Variants in SETDB1 observed in about 807,000 individuals in gnomAD.
SETDB1 encodes the protein histone-lysine N-methyltransferase SETDB1.
In SETDB1, 31 loss-of-function variants were observed where a neutral mutation model predicts 137.4. The ratio of observed to expected loss-of-function variants is 0.23; its 90% CI spans 0.17 to 0.30. SETDB1 has a LOEUF of 0.30. Ranked by LOEUF, SETDB1 falls within the 10% of genes least tolerant of loss-of-function variation. The pLI, the probability that SETDB1 is intolerant of heterozygous loss-of-function variation, is 1.00. For missense variants in SETDB1, 1,113 were observed against 1,631.5 expected, an observed-to-expected ratio of 0.68 and a Z score of 5.47; for synonymous variants, 548 against 579.9, an observed-to-expected ratio of 0.95 and a Z score of 0.79.
intron 9 of SETDB1, among the ~76,000 whole-genome samples, chr1:150,945,790 C>T (rs1437634170): frequency 6.6e-6 from 1 of 152,074 alleles, no homozygotes; most frequent in Admixed American, 6.6e-5. Flanking sequence ...ATGGCACGAT[C>T]TCGGCTCACT....
chr1:150,946,518 G>A (rs990690431), intron 9 of SETDB1, among the ~76,000 whole-genome samples: 3 of 151,850 alleles, frequency 2.0e-5, no homozygotes, highest in African/African-American at 4.8e-5. Context: ...GTGCAGTCTC[G>A]GCTCACCACA....
At chr1:150,928,088 C>T (rs753323065) in intron 2 of SETDB1, 114 bp downstream of exon 2, 22 of 1,277,092 alleles carry the variant, frequency 1.7e-5, no homozygotes, top group Admixed American at 6.1e-5. Flanking sequence ...GACGGAGTCT[C>T]GCTCTGTCAC....
chr1:150,945,374 T>C lies in SETDB1; in HGVS notation c.1140+266T>C, dbSNP rs958027897. 5 of 1,230,486 alleles carry C rather than the reference T, an allele frequency of 4.1e-6. No homozygotes were observed. The South Asian group carries it at 5.2e-5, about 13-fold the overall frequency. 76.2% of individuals were successfully genotyped at this position (1,230,486 alleles called of 1,614,324 possible). On this transcript the variant is annotated intron_variant, in intron 9 of 21. Coordinates refer to ENST00000692827, the MANE Select transcript of SETDB1 (RefSeq NM_001366418.1). ...TTTCTTTAGGAGTATTCACATTGTG[T>C]GTAGGTACAGAAAGGGCAGCCAATT...
chr1:150,964,145 C>T, intron 21 of SETDB1, 62 bp downstream of exon 21: 1 of 1,536,954 alleles, frequency 6.5e-7, no homozygotes, highest in Non-Finnish European at 9.0e-7. Context: ...TCTAAGGGCC[C>T]CTCCTCCATT....
At position 150,963,370 on chromosome 1, in the gene SETDB1, C is replaced by T. The variant is rs41272021; in HGVS notation, c.3461-160C>T. On this transcript the variant is annotated intron_variant, in intron 19 of 21. Transcript: ENST00000692827. ...CCTTTGTCTAGCAGATCTAATTATG[C>T]TTGAAAAAAAAACCTGCTACTTAGG... The T allele has an allele frequency of 1.0e-2, 7,837 of 785,886 alleles. 52 individuals are homozygous for T. Among genetic ancestry groups the T allele is most frequent in the Non-Finnish European group, 0.012 (5,556 of 475,880 alleles). The allele number at this position is 785,886 out of a possible 1,614,324, so 48.7% of individuals were successfully genotyped here.
chr1:150,939,882 T>A, intron 3 of SETDB1, 58 bp from the exon 4 acceptor site: 1 of 1,297,270 alleles, frequency 7.7e-7, no homozygotes. Context: ...GTTCTTAATT[T>A]CCCAGAAGTT....
At chr1:150,955,453 A>G (rs918853469) in intron 14 of SETDB1, among the ~76,000 whole-genome samples, 8 of 152,158 alleles carry the variant, frequency 5.3e-5, no homozygotes, top group Admixed American at 5.2e-4. Context: ...CAGTTCAACC[A>G]GTGTTTTCCA....
chr1:150,957,650 G>A (rs1336070328), intron 14 of SETDB1, among the ~76,000 whole-genome samples: 2 of 152,064 alleles, frequency 1.3e-5, no homozygotes, highest in Non-Finnish European at 2.9e-5. Context: ...TTTAATGTTG[G>A]TATGTGCTAG....
intron 13 of SETDB1, 86 bp from the exon 14 acceptor site, chr1:150,951,279 C>G: frequency 8.6e-7 from 1 of 1,165,344 alleles, no homozygotes; most frequent in Non-Finnish European, 1.3e-6. Context: ...CATGGCCACA[C>G]TGAGCAACCT....
rs1234135825 is a variant in SETDB1, at chr1:150,961,154, T to C, written c.3095T>C (p.Ile1032Thr). ...AEKASTSGLG[I>T]KDEGDIKQAK... ...AAGGCCTCCACCTCAGGACTAGGCA[T>C]CAAGGATGAGGGAGACATCAAACAG... The change falls in exon 16 of 22, where the codon ATC (isoleucine) becomes ACC (threonine). Residue 1032 changes from isoleucine (I) to threonine (T), a missense_variant. Ile to Thr is a moderately conservative substitution (Grantham distance 89). Coordinates refer to ENST00000692827, the MANE Select transcript of SETDB1 (RefSeq NM_001366418.1). 6.2e-7 allele frequency: 1 copy of C among 1,613,714 alleles called. No individual in the cohort carries two copies. Among genetic ancestry groups the C allele is most frequent in the Non-Finnish European group, 8.5e-7 (1 of 1,180,026 alleles).
At chr1:150,940,990 T>C (rs1670125106) in intron 4 of SETDB1, among the ~76,000 whole-genome samples, 3 of 126,256 alleles carry the variant, frequency 2.4e-5, no homozygotes, top group African/African-American at 9.3e-5. Context: ...AGAGCCAGAC[T>C]CCATCTCAAA....
chr1:150,933,986 T>C (rs1449904553), intron 3 of SETDB1, among the ~76,000 whole-genome samples: 1 of 151,726 alleles, frequency 6.6e-6, no homozygotes, highest in African/African-American at 2.4e-5. Context: ...TTTCTCCATG[T>C]TGGTCAGATT....
chr1:150,944,109 A>T, intron 8 of SETDB1, 116 bp downstream of exon 8: 1 of 773,366 alleles, frequency 1.3e-6, no homozygotes, highest in Non-Finnish European at 2.3e-6. Context: ...AAAGAGCATA[A>T]GTTTGGTTGA....
chr1:150,945,306 G>C, intron 9 of SETDB1, 198 bp downstream of exon 9: 2 of 1,437,466 alleles, frequency 1.4e-6, no homozygotes, highest in Non-Finnish European at 1.8e-6. Flanking sequence ...TAAATTATCT[G>C]AATTATAATA....
Position 150,947,011 on chromosome 1 carries a change from G to A in SETDB1, c.1266G>A (p.Met422Ile), listed in dbSNP as rs1670352097. Residue 422 changes from methionine (M) to isoleucine (I), a missense_variant and splice_region_variant, in exon 10 of 22, where the codon ATG (methionine) becomes ATA (isoleucine). Transcript: ENST00000692827. ...GACAGCTCAGGACACGTCCAAATAT[G>A]GGTATGTCCTGAAAGATTCCTGGAG... ...KQGQLRTRPNMGAVRSKGPVV... is the reference protein window; with the variant it reads ...KQGQLRTRPNIGAVRSKGPVV... 6.2e-7 allele frequency: 1 copy of A among 1,613,878 alleles called. No homozygotes were observed. Among genetic ancestry groups the A allele is most frequent in the Non-Finnish European group, 8.5e-7 (1 of 1,179,870 alleles).
intron 14 of SETDB1, among the ~76,000 whole-genome samples, chr1:150,957,025 G>A (rs958540214): frequency 6.6e-6 from 1 of 152,008 alleles, no homozygotes; most frequent in Non-Finnish European, 1.5e-5. Context: ...ACTGAGGCAG[G>A]AGGATCACTT....
rs765795305 is a variant in SETDB1 at position 150,950,823 on chromosome 1, G to T, written c.1949G>T (p.Gly650Val). Residue 650 changes from glycine (G) to valine (V), a missense_variant, in exon 13 of 22, where the codon GGC (glycine) becomes GTC (valine). Coordinates refer to ENST00000692827, the MANE Select transcript of SETDB1 (RefSeq NM_001366418.1). ...QEIERYLFET[G>V]CDFLFLEMFC... ...ATAGAACGCTACCTTTTCGAGACTG[G>T]CTGTGACTTCCTCTTCCTGGAGATG... 7.4e-6 allele frequency: 12 copies of T among 1,614,054 alleles called. No individual in the cohort carries two copies. The South Asian group carries it at 1.3e-4, about 18-fold the overall frequency.
intron 1 of SETDB1, 168 bp downstream of exon 1, chr1:150,926,685 C>T: frequency 5.7e-6 from 3 of 522,766 alleles, no homozygotes; most frequent in South Asian, 2.8e-5. Context: ...GAATGGGTAG[C>T]ACGGGGGTGG....
intron 3 of SETDB1, among the ~76,000 whole-genome samples, chr1:150,931,263 A>AAAAAAAAAAAG (rs1669730411): frequency 8.1e-6 from 1 of 123,756 alleles, no homozygotes; most frequent in East Asian, 2.0e-4. Context: ...CTTGTCTTCA[A>AAAAAAAAAAAG]AAAAAAAAAA....
Sources: gnomAD v4.1 joint callset for allele counts (sites outside exome capture counted in the v4.1 genomes callset) on GRCh38, gnomAD v4.1.1 for gene constraint, MANE v1.5 for transcripts, NCBI Gene and HGNC (gene_info 2026-07-23, HGNC 2026-07-21) for gene names.